The following XXYLT1 variants were observed in gnomAD, a reference collection of about 807,000 sequenced individuals.
XXYLT1 encodes the protein xyloside xylosyltransferase 1.
A neutral mutation model predicts 28.9 loss-of-function variants in XXYLT1; 20 were observed. The observed-to-expected ratio is 0.69, with a 90% CI of 0.49 to 1.00. The LOEUF is 1.00. Ranked by LOEUF, XXYLT1 falls within the 50% of genes least tolerant of loss-of-function variation. XXYLT1 has a pLI of 0.00. For missense variants in XXYLT1, 542 were observed against 560.1 expected, an observed-to-expected ratio of 0.97 and a Z score of 0.33; for synonymous variants, 257 against 253.8, an observed-to-expected ratio of 1.01 and a Z score of -0.12.
intron 2 of XXYLT1, among the ~76,000 whole-genome samples, chr3:195,212,183 G>A (rs1428808939): frequency 4.6e-5 from 7 of 152,062 alleles, no homozygotes; most frequent in Admixed American, 1.3e-4. Flanking sequence ...GAATGCCACC[G>A]GGAGAGTGGC....
At chr3:195,254,469 C>G (rs1000769633) in intron 1 of XXYLT1, among the ~76,000 whole-genome samples, 4 of 152,286 alleles carry the variant, frequency 2.6e-5, no homozygotes, top group South Asian at 2.1e-4. Context: ...CCCTCTCACT[C>G]TTGCTCAGCA....
At chr3:195,243,385 GTTGT>G (rs1724869413) in intron 1 of XXYLT1, among the ~76,000 whole-genome samples, 1 of 151,042 alleles carries the variant, frequency 6.6e-6, no homozygotes, top group Non-Finnish European at 1.5e-5. Context: ...TGGTTCGGGG[GTTGT>G]TTCTTATTAT....
At chr3:195,079,550 G>A (rs1251526213) in intron 3 of XXYLT1, among the ~76,000 whole-genome samples, 1 of 152,174 alleles carries the variant, frequency 6.6e-6, no homozygotes, top group Non-Finnish European at 1.5e-5. Context: ...TTTGTAATAA[G>A]CAAACAAGGT....
chr3:195,225,325 C>G (rs1307759127), intron 2 of XXYLT1, among the ~76,000 whole-genome samples: 5 of 152,214 alleles, frequency 3.3e-5, no homozygotes, highest in Admixed American at 2.6e-4. Flanking sequence ...CTCCAGAGTG[C>G]TGGAACTTGC....
intron 1 of XXYLT1, 43 bp downstream of exon 1, chr3:195,270,512 G>C: frequency 1.5e-6 from 2 of 1,359,944 alleles, no homozygotes; most frequent in Non-Finnish European, 1.9e-6. Flanking sequence ...GCCTAGGATG[G>C]GGTGGGCCAC....
At chr3:195,175,361 CAT>C (rs569140855) in intron 2 of XXYLT1, among the ~76,000 whole-genome samples, 19 of 152,324 alleles carry the variant, frequency 1.2e-4, no homozygotes, top group African/African-American at 4.3e-4. Context: ...TCTCAGGAGA[CAT>C]GTGTGAGATG....
chr3:195,192,578 T>C (rs1722470593), intron 2 of XXYLT1, among the ~76,000 whole-genome samples: 1 of 152,180 alleles, frequency 6.6e-6, no homozygotes, highest in African/African-American at 2.4e-5. Flanking sequence ...TTACATAGAA[T>C]AGCTAAGTGA....
chr3:195,117,644 C>CA (rs1041972186), intron 3 of XXYLT1, among the ~76,000 whole-genome samples: 10 of 47,480 alleles, frequency 2.1e-4, no homozygotes, highest in African/African-American at 6.2e-4. Context: ...ACTCCATGCA[C>CA]CCCCCTCTCT....
chr3:195,214,705 G>A (rs1723483803), intron 2 of XXYLT1: 1 of 152,140 alleles, frequency 6.6e-6, no homozygotes, highest in Non-Finnish European at 1.5e-5. Flanking sequence ...CCAGGTTCCA[G>A]AACGCACGCA....
chr3:195,213,263 C>CT (rs924778735), intron 2 of XXYLT1, among the ~76,000 whole-genome samples: 9,686 of 129,032 alleles, frequency 0.075, 428 homozygotes, highest in East Asian at 0.11. Flanking sequence ...TTCTTTCTTT[C>CT]TTTTTTTTTT....
intron 3 of XXYLT1, among the ~76,000 whole-genome samples, chr3:195,117,114 T>TACACACAGACACAC (rs1553805414): frequency 6.7e-6 from 1 of 148,746 alleles, no homozygotes; most frequent in African/African-American, 2.5e-5. Context: ...ATATAGTGTA[T>TACACACAGACACAC]ACACACACAC....
intron 3 of XXYLT1, chr3:195,153,902 T>C (rs1271006936): frequency 6.6e-6 from 1 of 152,272 alleles, no homozygotes. Context: ...GACAGGCAAC[T>C]TCCAGACGGA....
At chr3:195,138,907 G>C (rs1032525407) in intron 3 of XXYLT1, among the ~76,000 whole-genome samples, 2 of 150,618 alleles carry the variant, frequency 1.3e-5, no homozygotes, top group Admixed American at 6.6e-5. Flanking sequence ...AAATGGGCTA[G>C]AGAGAGAGCA....
At chr3:195,094,690 C>G (rs368726462) in intron 3 of XXYLT1, 2 of 153,890 alleles carry the variant, frequency 1.3e-5, no homozygotes, top group Admixed American at 1.3e-4. Flanking sequence ...TGGGTAATCA[C>G]GCTTCCCGTC....
rs754263554 is a variant in XXYLT1 at position 195,169,847 on chromosome 3, GT to G, written c.653-13267del. ...GTCAAATGTATATTAATGTGTGTGT[GT>G]GTACATATATATATATATATATTTT... On this transcript the variant is annotated intron_variant, in intron 2 of 3. Transcript: ENST00000310380. Among the ~76,000 whole-genome samples, 388 of 148,966 alleles carry G rather than the reference GT, an allele frequency of 2.6e-3. 1 individual carries two copies. Among genetic ancestry groups the G allele is most frequent in the Non-Finnish European group, 4.6e-3 (309 of 67,590 alleles).
intron 2 of XXYLT1, among the ~76,000 whole-genome samples, chr3:195,172,461 A>T (rs1259977915): frequency 3.3e-5 from 5 of 152,236 alleles, no homozygotes; most frequent in Admixed American, 3.3e-4. Flanking sequence ...ACCCGCAGCC[A>T]GCAACAACAC....
chr3:195,259,801 G>A (rs923869801), intron 1 of XXYLT1, among the ~76,000 whole-genome samples: 2 of 152,228 alleles, frequency 1.3e-5, no homozygotes, highest in Non-Finnish European at 2.9e-5. Flanking sequence ...CCCACCACGC[G>A]GCTCCAACAG....
intron 3 of XXYLT1, among the ~76,000 whole-genome samples, chr3:195,143,105 C>T (rs535453860): frequency 6.6e-6 from 1 of 152,268 alleles, no homozygotes; most frequent in East Asian, 1.9e-4. Context: ...TTAGCTAAAT[C>T]TGAGGTTAGG....
chr3:195,269,236 C>A (rs138939852), intron 1 of XXYLT1, among the ~76,000 whole-genome samples: 16 of 152,356 alleles, frequency 1.1e-4, no homozygotes, highest in African/African-American at 3.6e-4. Flanking sequence ...TCTGCCCAGA[C>A]TGACCCTATG....
Sources: allele counts gnomAD v4.1 joint callset (sites outside exome capture counted in the v4.1 genomes callset), GRCh38; gene constraint gnomAD v4.1.1; transcripts MANE v1.5; gene names NCBI Gene and HGNC (gene_info 2026-07-23, HGNC 2026-07-21).